THSD4: variants seen among roughly 807,000 people sequenced by gnomAD.
THSD4 encodes thrombospondin type 1 domain containing 4, also known as thrombospondin type-1 domain-containing protein 4.
A neutral mutation model predicts 119.0 loss-of-function variants in THSD4; 69 were observed. The observed-to-expected ratio is 0.58, with a 90% confidence interval of 0.48 to 0.71. The LOEUF is 0.71. Ranked by LOEUF, THSD4 falls within the 30% of genes least tolerant of loss-of-function variation. THSD4 has a pLI of 0.00. For missense variants in THSD4, 1,393 were observed against 1,391.1 expected (o/e 1.00, Z -0.02); for synonymous variants, 524 against 540.4 (o/e 0.97, Z 0.42).
intron 7 of THSD4, among the ~76,000 whole-genome samples, chr15:71,659,998 T>C (rs1595838322): frequency 2.6e-5 from 4 of 151,764 alleles, no homozygotes; most frequent in African/African-American, 9.7e-5. Context: ...GGAAAAGTCC[T>C]GCTTCTGAGG....
At chr15:71,297,394 G>A (rs956511251) in intron 6 of THSD4, among the ~76,000 whole-genome samples, 36 of 150,436 alleles carry the variant, frequency 2.4e-4, no homozygotes, top group African/African-American at 8.3e-4. Flanking sequence ...GGAGTGCAGT[G>A]GCGCAATCTC....
intron 15 of THSD4, among the ~76,000 whole-genome samples, chr15:71,761,019 A>G (rs2053619501): frequency 6.6e-6 from 1 of 152,186 alleles, no homozygotes; most frequent in African/African-American, 2.4e-5. Context: ...TACCCAATCT[A>G]TAAACCTCTG....
chr15:71,547,963 A>T (rs1250142762), intron 7 of THSD4, among the ~76,000 whole-genome samples: 1 of 150,882 alleles, frequency 6.6e-6, no homozygotes, highest in Non-Finnish European at 1.5e-5. Flanking sequence ...ACTTTCTATC[A>T]TAGATTTGAA....
chr15:71,389,936 C>G (rs766189189), intron 6 of THSD4, among the ~76,000 whole-genome samples: 41 of 150,830 alleles, frequency 2.7e-4, no homozygotes, highest in Admixed American at 6.6e-5. Flanking sequence ...CAGCCTGTAG[C>G]TGGGACTACA....
intron 7 of THSD4, among the ~76,000 whole-genome samples, chr15:71,626,726 A>G (rs2050516930): frequency 6.6e-6 from 1 of 152,212 alleles, no homozygotes; most frequent in Non-Finnish European, 1.5e-5. Context: ...CCACATTAAC[A>G]TACCACTGGA....
chr15:71,272,996 A>G (rs1018535214), intron 6 of THSD4, among the ~76,000 whole-genome samples: 1 of 152,224 alleles, frequency 6.6e-6, no homozygotes. Context: ...AGTTTCTCAA[A>G]AAAAACTAAA....
intron 1 of THSD4, among the ~76,000 whole-genome samples, chr15:71,116,540 A>G (rs138895242): frequency 6.6e-6 from 1 of 152,284 alleles, no homozygotes; most frequent in East Asian, 1.9e-4. Context: ...CGTCTTACTA[A>G]AAGTGCATGC....
At chr15:71,277,578 C>T (rs2044607354) in intron 6 of THSD4, among the ~76,000 whole-genome samples, 1 of 152,184 alleles carries the variant, frequency 6.6e-6, no homozygotes, top group African/African-American at 2.4e-5. Context: ...GGCCCTTTTA[C>T]TTAGTAACCC....
intron 6 of THSD4, among the ~76,000 whole-genome samples, chr15:71,264,282 C>T (rs752641343): frequency 2.6e-5 from 4 of 152,196 alleles, no homozygotes; most frequent in Non-Finnish European, 4.4e-5. Flanking sequence ...ATAGATAATC[C>T]ATAATCCTGT....
At chr15:71,341,385 C>T in intron 6 of THSD4, 1 of 1,611,898 alleles carries the variant, frequency 6.2e-7, no homozygotes, top group Non-Finnish European at 8.5e-7. Context: ...ACCAGAGAAT[C>T]TACATCTAAA....
At chr15:71,180,150 A>T (rs2043497051) in intron 3 of THSD4, among the ~76,000 whole-genome samples, 1 of 66,114 alleles carries the variant, frequency 1.5e-5, no homozygotes, top group African/African-American at 3.5e-5. Flanking sequence ...AATAAAAAAA[A>T]AACATTAAAA....
rs1380953326 is a variant in THSD4 at position 71,164,699 on chromosome 15, A to G, written c.99+9767A>G. On this transcript the variant is annotated intron_variant, in intron 3 of 17. Coordinates refer to ENST00000261862, the MANE Select transcript of THSD4 (RefSeq NM_024817.3). ...CCTTACATTTCAGTTTTTTTCTTTA[A>G]AAGGAGTGAGTTGTGTACAGGGGGG... 3.3e-6 allele frequency: 5 copies of G among 1,527,370 alleles called. No homozygotes were observed. The African/African-American group carries it at 7.0e-5, about 21-fold the overall frequency. 94.6% of individuals were successfully genotyped at this position (1,527,370 alleles called of 1,614,324 possible).
At position 71,648,272 on chromosome 15, in the gene THSD4, C is replaced by G. The variant is rs145857804; in HGVS notation, c.1153-12258C>G. On this transcript the variant is annotated intron_variant, in intron 7 of 17. Coordinates refer to ENST00000261862, the MANE Select transcript of THSD4 (RefSeq NM_024817.3). ...ATGGTGAGTGGTCCAGCCGTAACAGCTGTCACATATATCCATGGGGCTTCC... is the reference window on the plus strand; with the variant it reads ...ATGGTGAGTGGTCCAGCCGTAACAGGTGTCACATATATCCATGGGGCTTCC... 3.3e-5 allele frequency among the ~76,000 whole-genome samples: 5 copies of G among 152,270 alleles called. No homozygotes were observed. The East Asian group carries it at 9.7e-4, about 29-fold the overall frequency.
intron 6 of THSD4, among the ~76,000 whole-genome samples, chr15:71,269,511 C>G (rs1314863650): frequency 6.6e-6 from 1 of 152,188 alleles, no homozygotes; most frequent in Admixed American, 6.5e-5. Context: ...TGGGCAAAAG[C>G]TGGAAGCATT....
At chr15:71,383,386 G>T (rs1219646095) in intron 6 of THSD4, among the ~76,000 whole-genome samples, 1 of 152,142 alleles carries the variant, frequency 6.6e-6, no homozygotes, top group Non-Finnish European at 1.5e-5. Flanking sequence ...CAAAGGCACG[G>T]AACTGAGACT....
At chr15:71,327,884 C>T (rs1009341652) in intron 6 of THSD4, among the ~76,000 whole-genome samples, 30 of 152,134 alleles carry the variant, frequency 2.0e-4, no homozygotes, top group African/African-American at 6.0e-4. Context: ...ACACCTGATA[C>T]CATTTGAGCC....
At chr15:71,376,841 T>G (rs1383755371) in intron 6 of THSD4, among the ~76,000 whole-genome samples, 5 of 152,190 alleles carry the variant, frequency 3.3e-5, no homozygotes. Flanking sequence ...AGCAAACAAT[T>G]GGTAAGATCA....
intron 7 of THSD4, among the ~76,000 whole-genome samples, chr15:71,618,721 G>A (rs561310573): frequency 6.3e-4 from 96 of 151,880 alleles, no homozygotes; most frequent in African/African-American, 2.1e-3. Flanking sequence ...CCACAGGTGC[G>A]TGTCACCACA....
chr15:71,300,764 T>G (rs1567186981), intron 6 of THSD4, among the ~76,000 whole-genome samples: 1 of 152,224 alleles, frequency 6.6e-6, no homozygotes, highest in Non-Finnish European at 1.5e-5. Flanking sequence ...AGAACTCGAT[T>G]AAGTTCCAGA....
Sources: allele counts gnomAD v4.1 joint callset (sites outside exome capture counted in the v4.1 genomes callset), GRCh38; gene constraint gnomAD v4.1.1; transcripts MANE v1.5; gene names NCBI Gene and HGNC (gene_info 2026-07-23, HGNC 2026-07-21).